Variants in CCDC178 observed in about 807,000 individuals in gnomAD.
The protein encoded by CCDC178 is coiled-coil domain-containing protein 178.
In CCDC178, 126 loss-of-function variants were observed where a neutral mutation model predicts 117.4. The ratio of observed to expected loss-of-function variants is 1.07; its 90% CI spans 0.93 to 1.24. The LOEUF is 1.24. CCDC178 is among the 50% of genes most tolerant of loss of function. The probability of loss-of-function intolerance (pLI) is 0.00; values close to 1 mark genes in which losing one functional copy is unlikely to be tolerated. For synonymous variants in CCDC178, 283 were observed against 313.4 expected (o/e 0.90, Z 1.02); for missense variants, 1,030 against 986.9 (o/e 1.04, Z -0.59).
chr18:32,946,674 T>A (rs973998060), intron 22 of CCDC178, among the ~76,000 whole-genome samples: 36 of 151,232 alleles, frequency 2.4e-4, no homozygotes, highest in African/African-American at 8.2e-4. Flanking sequence ...TAATAATTAT[T>A]AACAAATACA....
At chr18:33,099,450 T>C (rs1379271230) in intron 20 of CCDC178, among the ~76,000 whole-genome samples, 1 of 151,970 alleles carries the variant, frequency 6.6e-6, no homozygotes, top group Non-Finnish European at 1.5e-5. Context: ...CGGAGACTGA[T>C]TCATAGCATG....
intron 20 of CCDC178, among the ~76,000 whole-genome samples, chr18:33,174,199 C>T (rs892035421): frequency 6.6e-6 from 1 of 152,014 alleles, no homozygotes; most frequent in African/African-American, 2.4e-5. Context: ...TACTTTTAAA[C>T]GACCAGATCT....
At chr18:33,085,690 T>C (rs1490998501) in intron 21 of CCDC178, among the ~76,000 whole-genome samples, 1 of 152,178 alleles carries the variant, frequency 6.6e-6, no homozygotes, top group Non-Finnish European at 1.5e-5. Context: ...TAAATAGTAA[T>C]TATTAGTATA....
At chr18:33,218,495 C>T (rs999809832) in intron 18 of CCDC178, among the ~76,000 whole-genome samples, 8 of 152,060 alleles carry the variant, frequency 5.3e-5, no homozygotes, top group Admixed American at 5.2e-4. Flanking sequence ...GTTGCCATTG[C>T]TTTTGGTGTT....
intron 20 of CCDC178, among the ~76,000 whole-genome samples, chr18:33,195,050 G>A (rs985508911): frequency 6.7e-6 from 1 of 150,320 alleles, no homozygotes; most frequent in Non-Finnish European, 1.5e-5. Flanking sequence ...CCTGGAGTTT[G>A]AGGCTGCAGT....
chr18:33,068,326 A>G (rs2057053451), intron 21 of CCDC178, among the ~76,000 whole-genome samples: 1 of 152,218 alleles, frequency 6.6e-6, no homozygotes, highest in African/African-American at 2.4e-5. Flanking sequence ...CTATGAGCCC[A>G]GCATTACCCT....
intron 21 of CCDC178, among the ~76,000 whole-genome samples, chr18:32,991,120 G>T (rs2055380343): frequency 6.6e-6 from 1 of 150,572 alleles, no homozygotes; most frequent in South Asian, 2.1e-4. Flanking sequence ...TAAAATGGGG[G>T]CTATTATCAT....
intron 17 of CCDC178, among the ~76,000 whole-genome samples, 178 bp from the exon 18 acceptor site, chr18:33,223,397 T>G (rs2059262785): frequency 6.6e-6 from 1 of 152,118 alleles, no homozygotes; most frequent in Admixed American, 6.6e-5. Context: ...ATTTCAATAT[T>G]CTATTTGCAC....
chr18:33,037,835 T>G (rs951488561), intron 21 of CCDC178, among the ~76,000 whole-genome samples: 17 of 151,976 alleles, frequency 1.1e-4, no homozygotes, highest in Admixed American at 1.1e-3. Flanking sequence ...TACTTATTTT[T>G]AAAGATGCAG....
intron 15 of CCDC178, among the ~76,000 whole-genome samples, chr18:33,235,315 T>C (rs560127343): frequency 6.6e-6 from 1 of 152,268 alleles, no homozygotes; most frequent in South Asian, 2.1e-4. Flanking sequence ...ATTTTGAAGC[T>C]TTCAGCTTAA....
chr18:33,067,944 A>G (rs565103142), intron 21 of CCDC178, among the ~76,000 whole-genome samples: 7 of 152,128 alleles, frequency 4.6e-5, no homozygotes, highest in African/African-American at 7.2e-5. Context: ...AGACAAAGAA[A>G]AAAAGAGTGA....
At chr18:33,385,893 C>T (rs2063486207) in intron 5 of CCDC178, among the ~76,000 whole-genome samples, 1 of 152,064 alleles carries the variant, frequency 6.6e-6, no homozygotes, top group South Asian at 2.1e-4. Flanking sequence ...ATAAACATCA[C>T]TTCAAAAACA....
intron 20 of CCDC178, among the ~76,000 whole-genome samples, chr18:33,125,161 C>G (rs2057988868): frequency 6.6e-6 from 1 of 152,112 alleles, no homozygotes; most frequent in Admixed American, 6.6e-5. Context: ...CCTTTGTAAT[C>G]TTCAGACACA....
At chr18:33,387,498 G>T (rs2063509400) in intron 5 of CCDC178, among the ~76,000 whole-genome samples, 2 of 152,058 alleles carry the variant, frequency 1.3e-5, no homozygotes, top group African/African-American at 4.8e-5. Flanking sequence ...GCATGGTACT[G>T]GTACAAAAAC....
rs376402182 is a variant in CCDC178, at chr18:32,962,907, G to A, written c.2523+11640C>T. Among the ~76,000 whole-genome samples, 70 of 152,052 alleles carry A rather than the reference G, an allele frequency of 4.6e-4. No individual in the cohort carries two copies. The East Asian group carries it at 0.012, about 26-fold the overall frequency. Reference sequence around the variant, plus strand: ...AGTGCATGCTGATATTTTAGCACTCGGTTTGGTAACTGAGTGGTCAAGAAT... The same window carrying A: ...AGTGCATGCTGATATTTTAGCACTCAGTTTGGTAACTGAGTGGTCAAGAAT... On this transcript the variant is annotated intron_variant, in intron 22 of 22. Coordinates refer to ENST00000383096, the MANE Select transcript of CCDC178 (RefSeq NM_001105528.4).
intron 20 of CCDC178, among the ~76,000 whole-genome samples, chr18:33,113,231 C>T (rs575486187): frequency 6.6e-6 from 1 of 152,082 alleles, no homozygotes; most frequent in African/African-American, 2.4e-5. Flanking sequence ...CACTTTTGTG[C>T]ACATTAAATT....
At chr18:33,266,778 T>C in intron 14 of CCDC178, 138 bp downstream of exon 14, 1 of 906,872 alleles carries the variant, frequency 1.1e-6, no homozygotes, top group Non-Finnish European at 1.6e-6. Context: ...AAGGCAACAT[T>C]TTGAATAGAA....
At chr18:32,942,175 AG>A (rs2054253263) in intron 22 of CCDC178, among the ~76,000 whole-genome samples, 1 of 152,130 alleles carries the variant, frequency 6.6e-6, no homozygotes, top group Non-Finnish European at 1.5e-5. Flanking sequence ...GTGTTTTGGA[AG>A]GGTAAGTGAT....
intron 20 of CCDC178, among the ~76,000 whole-genome samples, chr18:33,144,697 C>A (rs529394581): frequency 3.2e-4 from 49 of 151,888 alleles, no homozygotes; most frequent in African/African-American, 1.1e-3. Context: ...ATTGTAGAAG[C>A]AATTTCAAGA....
Sources: allele counts gnomAD v4.1 joint callset (sites outside exome capture counted in the v4.1 genomes callset), GRCh38; gene constraint gnomAD v4.1.1; transcripts MANE v1.5; gene names NCBI Gene and HGNC (gene_info 2026-07-23, HGNC 2026-07-21).